The following FRMD4A variants were observed in gnomAD, a reference collection of about 807,000 sequenced individuals.
FRMD4A encodes the protein FERM domain-containing protein 4A.
A neutral mutation model predicts 129.1 loss-of-function variants in FRMD4A; 29 were observed. The ratio of observed to expected loss-of-function variants is 0.22; its 90% CI spans 0.17 to 0.31. FRMD4A has a LOEUF of 0.31. Ranked by LOEUF, FRMD4A falls within the 10% of genes least tolerant of loss-of-function variation. The probability of loss-of-function intolerance (pLI) is 1.00; values close to 1 mark genes in which losing one functional copy is unlikely to be tolerated. For missense variants in FRMD4A, 1,272 were observed against 1,375.8 expected, an observed-to-expected ratio of 0.92 and a Z score of 1.19; for synonymous variants, 634 against 571.6, an observed-to-expected ratio of 1.11 and a Z score of -1.56.
chr10:13,946,024 T>C (rs1210739166), intron 2 of FRMD4A, among the ~76,000 whole-genome samples: 1 of 152,190 alleles, frequency 6.6e-6, no homozygotes, highest in Non-Finnish European at 1.5e-5. Flanking sequence ...CACCAGCACG[T>C]AGTTAGGGAA....
intron 2 of FRMD4A, among the ~76,000 whole-genome samples, chr10:14,305,209 G>C (rs1846309325): frequency 6.6e-6 from 1 of 152,090 alleles, no homozygotes; most frequent in Non-Finnish European, 1.5e-5. Context: ...AAATGCTCAG[G>C]GGAACCTGTG....
At chr10:14,284,858 T>G (rs1241859215) in intron 2 of FRMD4A, among the ~76,000 whole-genome samples, 1 of 152,132 alleles carries the variant, frequency 6.6e-6, no homozygotes, top group African/African-American at 2.4e-5. Flanking sequence ...TCCTTCAAGG[T>G]CCCACTCAAA....
chr10:13,999,822 C>G (rs2131616786), intron 2 of FRMD4A, among the ~76,000 whole-genome samples: 1 of 152,322 alleles, frequency 6.6e-6, no homozygotes, highest in South Asian at 2.1e-4. Context: ...TAAAATAAGT[C>G]ACTGTTAGGA....
chr10:14,168,853 T>C (rs1253158245), intron 2 of FRMD4A, among the ~76,000 whole-genome samples: 2 of 152,208 alleles, frequency 1.3e-5, no homozygotes, highest in Non-Finnish European at 2.9e-5. Flanking sequence ...TGAATGCAGG[T>C]AGTCTGTCTG....
chr10:13,692,798 CTTCT>C (rs1488546656), intron 15 of FRMD4A: 1 of 152,184 alleles, frequency 6.6e-6, no homozygotes, highest in Admixed American at 6.6e-5. Context: ...GATTTCTTGC[CTTCT>C]TTGCGTGGCT....
intron 2 of FRMD4A, among the ~76,000 whole-genome samples, chr10:13,983,959 C>T (rs375658307): frequency 3.3e-5 from 5 of 151,732 alleles, no homozygotes; most frequent in East Asian, 3.9e-4. Flanking sequence ...GCCGAGACTG[C>T]GCCACTGTAC....
chr10:13,994,491 T>G (rs2095615627), intron 2 of FRMD4A, among the ~76,000 whole-genome samples: 1 of 151,914 alleles, frequency 6.6e-6, no homozygotes, highest in African/African-American at 2.4e-5. Context: ...CCCAGCTAAG[T>G]TTTGTACTTT....
chr10:13,709,034 C>G (rs1456227379), intron 12 of FRMD4A, among the ~76,000 whole-genome samples: 2 of 152,260 alleles, frequency 1.3e-5, no homozygotes, highest in Middle Eastern at 3.4e-3. Context: ...ACGATCTCGG[C>G]TCACTGCAAC....
At chr10:14,211,519 G>C (rs1398502187) in intron 2 of FRMD4A, among the ~76,000 whole-genome samples, 1 of 152,204 alleles carries the variant, frequency 6.6e-6, no homozygotes, top group Non-Finnish European at 1.5e-5. Flanking sequence ...GAATCAAACC[G>C]TATCATGCGT....
At chr10:13,945,005 C>T (rs2095321506) in intron 2 of FRMD4A, among the ~76,000 whole-genome samples, 1 of 152,180 alleles carries the variant, frequency 6.6e-6, no homozygotes, top group Admixed American at 6.5e-5. Flanking sequence ...ACTGGCTTTA[C>T]GTGGACATCT....
At position 13,847,458 on chromosome 10, in the gene FRMD4A, C is replaced by G. The variant is rs535205521; in HGVS notation, c.111+11389G>C. On this transcript the variant is annotated intron_variant, in intron 3 of 24. Coordinates refer to ENST00000357447, the MANE Select transcript of FRMD4A (RefSeq NM_018027.5). ...TTCCTCCCTCCACCACCAGGGATACCTGGCCAGGCTGCACTCCTCTCTCAG... is the reference window on the plus strand; with the variant it reads ...TTCCTCCCTCCACCACCAGGGATACGTGGCCAGGCTGCACTCCTCTCTCAG... Among the ~76,000 whole-genome samples, 4 of 152,270 alleles carry G rather than the reference C, an allele frequency of 2.6e-5. No individual in the cohort carries two copies. In the East Asian group the frequency reaches 5.8e-4, roughly 22 times the overall value.
At chr10:13,891,889 C>A in intron 2 of FRMD4A, 1 of 288,190 alleles carries the variant, frequency 3.5e-6, no homozygotes, top group African/African-American at 2.3e-5. Context: ...TCGCCCGCGC[C>A]CGGCCCGCCG....
intron 2 of FRMD4A, among the ~76,000 whole-genome samples, chr10:13,941,878 G>A (rs2095295121): frequency 6.6e-6 from 1 of 152,142 alleles, no homozygotes; most frequent in African/African-American, 2.4e-5. Flanking sequence ...ATGGAGTGAG[G>A]CCTCTCTTTT....
chr10:13,648,010 G>A (rs1004430836), intron 24 of FRMD4A: 6 of 145,458 alleles, frequency 4.1e-5, no homozygotes, highest in South Asian at 2.4e-4. Flanking sequence ...GGAGCATTTC[G>A]GTACCAAACA....
intron 2 of FRMD4A, among the ~76,000 whole-genome samples, chr10:14,026,448 A>T (rs1391535801): frequency 6.6e-6 from 1 of 152,192 alleles, no homozygotes; most frequent in Non-Finnish European, 1.5e-5. Context: ...TTGTACATGC[A>T]TGTTCTTCGA....
At chr10:14,158,759 G>A (rs1840728869) in intron 2 of FRMD4A, among the ~76,000 whole-genome samples, 1 of 151,150 alleles carries the variant, frequency 6.6e-6, no homozygotes, top group South Asian at 2.1e-4. Context: ...GGAGGTGGAA[G>A]AGGATGAGGA....
intron 2 of FRMD4A, among the ~76,000 whole-genome samples, chr10:14,274,164 C>T (rs1182067481): frequency 6.6e-6 from 1 of 152,226 alleles, no homozygotes. Flanking sequence ...GCCCTGAACG[C>T]AGTCAGAGAG....
At chr10:13,679,688 G>T (rs1331323929) in intron 15 of FRMD4A, among the ~76,000 whole-genome samples, 2 of 151,678 alleles carry the variant, frequency 1.3e-5, no homozygotes, top group African/African-American at 4.9e-5. Context: ...TTGCCGTATT[G>T]TAACGAAAAG....
At chr10:13,993,935 T>C (rs993638144) in intron 2 of FRMD4A, among the ~76,000 whole-genome samples, 7 of 152,012 alleles carry the variant, frequency 4.6e-5, no homozygotes, top group African/African-American at 1.7e-4. Context: ...TAGTTTTTTT[T>C]GTAGCAAGAT....
Sources: gnomAD v4.1 joint callset for allele counts (sites outside exome capture counted in the v4.1 genomes callset) on GRCh38, gnomAD v4.1.1 for gene constraint, MANE v1.5 for transcripts, NCBI Gene and HGNC (gene_info 2026-07-23, HGNC 2026-07-21) for gene names.